Variants in NFATC1 observed in about 807,000 individuals in gnomAD.
The protein encoded by NFATC1 is nuclear factor of activated T cells 1.
In NFATC1, 22 loss-of-function variants were observed where a neutral mutation model predicts 76.0. The ratio of observed to expected loss-of-function variants is 0.29; its 90% confidence interval spans 0.21 to 0.41. The LOEUF is 0.41. NFATC1 is among the 10% of genes least tolerant of loss of function. The pLI is 1.00. For synonymous variants in NFATC1, 704 were observed against 613.1 expected, an observed-to-expected ratio of 1.15 and a Z score of -2.19; for missense variants, 1,357 against 1,337.7, an observed-to-expected ratio of 1.01 and a Z score of -0.23.
At chr18:79,435,429 A>G (rs1301352233) in intron 3 of NFATC1, among the ~76,000 whole-genome samples, 9 of 151,244 alleles carry the variant, frequency 6.0e-5, no homozygotes, top group Non-Finnish European at 1.2e-4. Flanking sequence ...GCTCACTGCA[A>G]CCTCTGTCTC....
intron 9 of NFATC1, among the ~76,000 whole-genome samples, chr18:79,520,970 G>A (rs1412334912): frequency 3.6e-4 from 38 of 104,618 alleles, no homozygotes; most frequent in Admixed American, 9.0e-4. Context: ...TGTGTGGGGG[G>A]GCATCCGCTG....
At chr18:79,476,975 G>T (rs112177763) in intron 8 of NFATC1, among the ~76,000 whole-genome samples, 1 of 152,210 alleles carries the variant, frequency 6.6e-6, no homozygotes, top group Non-Finnish European at 1.5e-5. Context: ...GATGGAGTTC[G>T]GAAGGACCCT....
chr18:79,424,352 G>A (rs2148259065), intron 2 of NFATC1, among the ~76,000 whole-genome samples: 1 of 152,362 alleles, frequency 6.6e-6, no homozygotes, highest in South Asian at 2.1e-4. Flanking sequence ...AGGGGGCAAA[G>A]CTGGCCTCCG....
intron 8 of NFATC1, among the ~76,000 whole-genome samples, chr18:79,483,977 G>A (rs1404012842): frequency 6.6e-6 from 1 of 150,444 alleles, no homozygotes; most frequent in African/African-American, 2.5e-5. Context: ...CTGGTCCTGA[G>A]GTGTCACTCC....
At chr18:79,420,330 A>C (rs920525951) in intron 2 of NFATC1, among the ~76,000 whole-genome samples, 10 of 146,790 alleles carry the variant, frequency 6.8e-5, no homozygotes, top group Non-Finnish European at 1.3e-4. Flanking sequence ...ACGTCGCTGC[A>C]GAGAGGAAGA....
At chr18:79,482,583 G>GT (rs201679226) in intron 8 of NFATC1, among the ~76,000 whole-genome samples, 19 of 132,030 alleles carry the variant, frequency 1.4e-4, no homozygotes, top group Middle Eastern at 5.7e-3. Context: ...GCGTGACCTG[G>GT]TCCTGGGGTG....
intron 3 of NFATC1, 22 bp downstream of exon 3, chr18:79,433,760 G>T (rs1053066989): frequency 1.9e-6 from 3 of 1,600,860 alleles, no homozygotes; most frequent in African/African-American, 1.3e-5. Context: ...GGCCAGACTC[G>T]CACGTCACTT....
At chr18:79,488,272 G>A (rs2089573109) in intron 9 of NFATC1, among the ~76,000 whole-genome samples, 1 of 128,072 alleles carries the variant, frequency 7.8e-6, no homozygotes, top group Admixed American at 7.1e-5. Context: ...TTGCGGTAGT[G>A]TGTCCCATGG....
At chr18:79,484,581 C>CA (rs1555915996) in intron 8 of NFATC1, among the ~76,000 whole-genome samples, 1 of 152,190 alleles carries the variant, frequency 6.6e-6, no homozygotes, top group Non-Finnish European at 1.5e-5. Flanking sequence ...TCTTTCTACT[C>CA]AGAGGGTGGA....
At position 79,486,421 on chromosome 18, in the gene NFATC1, A is replaced by G. The variant is rs1354641017; in HGVS notation, c.2266A>G (p.Thr756Ala). 6.2e-7 allele frequency: 1 copy of G among 1,612,356 alleles called. No individual in the cohort carries two copies. The highest frequency in any genetic ancestry group is 2.2e-5 in the East Asian group (1 of 44,812). ...CTTCCCGCCCTGTCCGCAGAGAAGC[A>G]CCCTGATGCCAGCGGCCCCTGGCGT... ...AGFPPCPQRS[T>A]LMPAAPGVSP... The change falls in exon 9 of 10, where the codon ACC (threonine) becomes GCC (alanine). Residue 756 changes from threonine (T) to alanine (A), a missense_variant. This residue lies in a region of NFATC1 where 424 missense variants were observed against 395.4 expected (regional missense o/e 1.07). Coordinates refer to ENST00000427363, the MANE Select transcript of NFATC1 (RefSeq NM_001278669.2).
intron 2 of NFATC1, among the ~76,000 whole-genome samples, chr18:79,427,536 T>TG (rs1555903682): frequency 1.5e-3 from 9 of 5,946 alleles, no homozygotes; most frequent in East Asian, 6.3e-3. Context: ...GTGCAGTGGG[T>TG]GGGGGGAGCT....
At chr18:79,519,945 G>C (rs1474533015) in intron 9 of NFATC1, among the ~76,000 whole-genome samples, 2 of 152,202 alleles carry the variant, frequency 1.3e-5, no homozygotes, top group Non-Finnish European at 2.9e-5. Flanking sequence ...TGGTGATAAA[G>C]TCCTGGACGG....
chr18:79,469,279 T>A (rs1170533100), intron 8 of NFATC1: 1 of 973,044 alleles, frequency 1.0e-6, no homozygotes, highest in Non-Finnish European at 1.2e-6. Flanking sequence ...TAGAGAAGGA[T>A]TGCTTTCCAG....
intron 4 of NFATC1, among the ~76,000 whole-genome samples, chr18:79,450,017 C>G (rs573592904): frequency 6.6e-6 from 1 of 152,212 alleles, no homozygotes; most frequent in Non-Finnish European, 1.5e-5. Context: ...CCAAGTTTCC[C>G]GCAGACAGGG....
intron 1 of NFATC1, among the ~76,000 whole-genome samples, chr18:79,398,475 C>T (rs1007617574): frequency 6.6e-6 from 1 of 152,246 alleles, no homozygotes; most frequent in Admixed American, 6.5e-5. Context: ...GTGGAACGGG[C>T]AGCTTTGAAT....
At chr18:79,514,798 C>T (rs1281267796) in intron 9 of NFATC1, among the ~76,000 whole-genome samples, 2 of 151,940 alleles carry the variant, frequency 1.3e-5, no homozygotes, top group African/African-American at 4.8e-5. Context: ...ATAATCCTAG[C>T]ATGTTGGGAG....
At chr18:79,520,786 T>G (rs78763963) in intron 9 of NFATC1, among the ~76,000 whole-genome samples, 738 of 37,826 alleles carry the variant, frequency 0.02, 24 homozygotes, top group African/African-American at 0.068. Flanking sequence ...TGTGTGTGTG[T>G]GGGGGGGCAT....
intron 8 of NFATC1, among the ~76,000 whole-genome samples, chr18:79,482,176 G>A (rs2089300475): frequency 6.7e-6 from 1 of 149,100 alleles, no homozygotes; most frequent in Non-Finnish European, 1.5e-5. Flanking sequence ...CTGGTCCTGG[G>A]GTGTAATTCC....
intron 9 of NFATC1, among the ~76,000 whole-genome samples, chr18:79,490,976 C>T (rs955495647): frequency 3.3e-5 from 5 of 152,050 alleles, no homozygotes; most frequent in African/African-American, 1.2e-4. Flanking sequence ...CCCGAGACTC[C>T]AGCTCCATGG....
Sources: allele counts gnomAD v4.1 joint callset (sites outside exome capture counted in the v4.1 genomes callset), GRCh38; gene constraint gnomAD v4.1.1; regional missense constraint gnomAD v4.1.1; transcripts MANE v1.5; gene names NCBI Gene and HGNC (gene_info 2026-07-23, HGNC 2026-07-21).